Variants in PMS1 observed in about 807,000 individuals in gnomAD.
PMS1 encodes the protein PMS1 protein homolog 1.
Under a neutral mutation model 93.1 loss-of-function variants are expected in PMS1, and 79 were observed. The observed-to-expected ratio is 0.85, with a 90% CI of 0.71 to 1.02. The LOEUF is 1.02. PMS1 is among the 50% of genes least tolerant of loss of function. The probability of loss-of-function intolerance (pLI) is 0.00; values close to 1 mark genes in which losing one functional copy is unlikely to be tolerated. For synonymous variants in PMS1, 335 were observed against 363.4 expected (o/e 0.92, Z 0.89); for missense variants, 1,064 against 1,085.3 (o/e 0.98, Z 0.28).
intron 5 of PMS1, among the ~76,000 whole-genome samples, chr2:189,820,009 T>C (rs1328299278): frequency 6.6e-6 from 1 of 152,220 alleles, no homozygotes; most frequent in Non-Finnish European, 1.5e-5. Flanking sequence ...TTCACATGGG[T>C]ATCCTGCAGG....
intron 5 of PMS1, among the ~76,000 whole-genome samples, chr2:189,843,469 T>C (rs1010437665): frequency 6.6e-6 from 1 of 152,248 alleles, no homozygotes; most frequent in Non-Finnish European, 1.5e-5. Context: ...TTAAGAATGC[T>C]CTTTCCGAAA....
intron 3 of PMS1, among the ~76,000 whole-genome samples, chr2:189,796,842 T>C (rs1052456893): frequency 5.9e-5 from 9 of 151,756 alleles, no homozygotes; most frequent in Non-Finnish European, 8.8e-5. Context: ...AACATTGGTG[T>C]ACAAATACCT....
chr2:189,824,016 TAA>T (rs1469069960), intron 5 of PMS1, among the ~76,000 whole-genome samples: 1 of 152,198 alleles, frequency 6.6e-6, no homozygotes, highest in African/African-American at 2.4e-5. Context: ...AATGTTTTAC[TAA>T]AAGTTTATAT....
intron 5 of PMS1, among the ~76,000 whole-genome samples, chr2:189,825,724 G>T (rs1171529302): frequency 6.6e-6 from 1 of 152,184 alleles, no homozygotes; most frequent in Non-Finnish European, 1.5e-5. Context: ...ATTGATAAAA[G>T]AAGGTTTTAA....
At chr2:189,857,157 ACAATGT>A (rs2055420872) in intron 9 of PMS1, among the ~76,000 whole-genome samples, 1 of 152,166 alleles carries the variant, frequency 6.6e-6, no homozygotes, top group Non-Finnish European at 1.5e-5. Context: ...ATGATTGCTC[ACAATGT>A]CAATATGATC....
chr2:189,862,327 A>AT (rs879469363), intron 9 of PMS1, among the ~76,000 whole-genome samples: 21 of 151,894 alleles, frequency 1.4e-4, no homozygotes, highest in Admixed American at 4.6e-4. Flanking sequence ...CTTCCACTGT[A>AT]TTTTTTTTAT....
chr2:189,864,409 G>A (rs1254726389), intron 10 of PMS1, 181 bp downstream of exon 10: 1 of 557,478 alleles, frequency 1.8e-6, no homozygotes. Context: ...TGTAATCCCA[G>A]CACTTTGGGA....
intron 5 of PMS1, among the ~76,000 whole-genome samples, chr2:189,838,618 A>G (rs2053576904): frequency 6.6e-6 from 1 of 152,094 alleles, no homozygotes; most frequent in Admixed American, 6.6e-5. Context: ...CATCAAGCCC[A>G]TTTCGTACCC....
chr2:189,844,658 A>C (rs1291875371), intron 6 of PMS1, among the ~76,000 whole-genome samples: 2 of 151,076 alleles, frequency 1.3e-5, no homozygotes, highest in African/African-American at 4.9e-5. Flanking sequence ...AAAAAAAAAA[A>C]AAAAACTGTT....
At position 189,805,685 on chromosome 2, in the gene PMS1, T is replaced by C. The variant is rs1559231963; in HGVS notation, c.349T>C (p.Phe117Leu). Reference protein sequence around the residue: ...LITTRTAADNFSTQYVLDGSG... With the variant: ...LITTRTAADNLSTQYVLDGSG... ...TACAACAAGAACGGCTGCTGATAAT[T>C]TTAGCACCCAGTATGTTTTAGATGG... Residue 117 changes from phenylalanine (F) to leucine (L), a missense_variant, in exon 4 of 13, where the codon TTT becomes CTT. Coordinates refer to ENST00000441310, the MANE Select transcript of PMS1 (RefSeq NM_000534.5). 1 of 1,613,856 alleles carries C rather than the reference T, an allele frequency of 6.2e-7. No homozygotes were observed.
intron 1 of PMS1, among the ~76,000 whole-genome samples, chr2:189,787,491 ATTAAT>A (rs747998078): frequency 3.0e-4 from 45 of 152,234 alleles, no homozygotes; most frequent in Non-Finnish European, 4.4e-4. Flanking sequence ...ATACAATTTA[ATTAAT>A]TTAATCTTTA....
intron 3 of PMS1, among the ~76,000 whole-genome samples, chr2:189,802,844 C>T (rs1163409113): frequency 3.3e-5 from 5 of 152,082 alleles, no homozygotes; most frequent in Admixed American, 2.0e-4. Flanking sequence ...AGTCAAAATA[C>T]GTCTGGGAAG....
At chr2:189,797,099 A>G (rs556406429) in intron 3 of PMS1, among the ~76,000 whole-genome samples, 45 of 152,312 alleles carry the variant, frequency 3.0e-4, no homozygotes, top group Admixed American at 7.2e-4. Flanking sequence ...CTACTTGACC[A>G]TGAAATTCTT....
intron 9 of PMS1, among the ~76,000 whole-genome samples, chr2:189,858,357 T>C (rs1367352729): frequency 1.3e-5 from 2 of 152,152 alleles, no homozygotes; most frequent in Non-Finnish European, 2.9e-5. Context: ...ACTAGGGTAT[T>C]ATGAAAATGA....
At chr2:189,793,792 T>C (rs1010220475) in intron 2 of PMS1, among the ~76,000 whole-genome samples, 5 of 152,366 alleles carry the variant, frequency 3.3e-5, no homozygotes, top group Non-Finnish European at 5.9e-5. Context: ...TTTTAAGATA[T>C]ACACCTTAAA....
intron 11 of PMS1, among the ~76,000 whole-genome samples, chr2:189,869,539 A>C (rs1259104558): frequency 6.6e-6 from 1 of 152,124 alleles, no homozygotes; most frequent in African/African-American, 2.4e-5. Flanking sequence ...TAAACAGGCC[A>C]GGCACGGTGG....
At chr2:189,858,823 T>C (rs2055641521) in intron 9 of PMS1, among the ~76,000 whole-genome samples, 1 of 152,174 alleles carries the variant, frequency 6.6e-6, no homozygotes, top group African/African-American at 2.4e-5. Flanking sequence ...ATTTTTTTAA[T>C]GTAGTTTACA....
chr2:189,837,613 G>A (rs1019431261), intron 5 of PMS1, among the ~76,000 whole-genome samples: 3 of 152,134 alleles, frequency 2.0e-5, no homozygotes, highest in Non-Finnish European at 4.4e-5. Context: ...GCATGTGCAC[G>A]CAAAGATTAC....
chr2:189,808,884 C>CT (rs1193030553), intron 4 of PMS1, among the ~76,000 whole-genome samples: 2 of 152,062 alleles, frequency 1.3e-5, no homozygotes, highest in African/African-American at 4.8e-5. Flanking sequence ...AAATTAATAG[C>CT]TTTAGTCCTA....
Sources: gnomAD v4.1 joint callset for allele counts (sites outside exome capture counted in the v4.1 genomes callset) on GRCh38, gnomAD v4.1.1 for gene constraint, MANE v1.5 for transcripts, NCBI Gene and HGNC (gene_info 2026-07-23, HGNC 2026-07-21) for gene names.